The following TRPC4 variants were observed in gnomAD, a reference collection of about 807,000 sequenced individuals.
TRPC4 encodes the protein short transient receptor potential channel 4.
A neutral mutation model predicts 99.4 loss-of-function variants in TRPC4; 49 were observed. The observed-to-expected ratio is 0.49, with a 90% CI of 0.39 to 0.63. TRPC4 has a LOEUF of 0.63. Ranked by LOEUF, TRPC4 falls within the 20% of genes least tolerant of loss-of-function variation. TRPC4 has a pLI of 0.00. For missense variants in TRPC4, 898 were observed against 1,152.9 expected, an observed-to-expected ratio of 0.78 and a Z score of 3.20; for synonymous variants, 454 against 425.9, an observed-to-expected ratio of 1.07 and a Z score of -0.81.
chr13:37,866,341 C>A (rs1287755056), intron 1 of TRPC4, among the ~76,000 whole-genome samples: 3 of 151,658 alleles, frequency 2.0e-5, no homozygotes, highest in Non-Finnish European at 4.4e-5. Context: ...TAGGATATTA[C>A]ATACAGTTTA....
At chr13:37,653,736 T>C (rs1365526251) in intron 7 of TRPC4, among the ~76,000 whole-genome samples, 1 of 152,168 alleles carries the variant, frequency 6.6e-6, no homozygotes, top group Non-Finnish European at 1.5e-5. Flanking sequence ...TCTTAAATAG[T>C]GTTTTCTCCT....
chr13:37,662,063 C>T (rs1350356359), intron 6 of TRPC4, among the ~76,000 whole-genome samples: 1 of 152,084 alleles, frequency 6.6e-6, no homozygotes, highest in Admixed American at 6.6e-5. Flanking sequence ...AATCCCAACA[C>T]TTTGGGAGGC....
At chr13:37,746,524 A>C (rs1201094092) in intron 2 of TRPC4, 69 bp from the exon 3 acceptor site, 20 of 1,489,938 alleles carry the variant, frequency 1.3e-5, no homozygotes, top group Non-Finnish European at 1.8e-5. Context: ...TTCATACACC[A>C]TGCTATAGCA....
chr13:37,803,016 T>C (rs970291675), intron 1 of TRPC4, among the ~76,000 whole-genome samples: 2 of 152,066 alleles, frequency 1.3e-5, no homozygotes, highest in Non-Finnish European at 1.5e-5. Context: ...TATGGACTTA[T>C]ATATATTTAT....
intron 4 of TRPC4, among the ~76,000 whole-genome samples, chr13:37,681,374 T>A (rs946898280): frequency 6.6e-6 from 1 of 152,168 alleles, no homozygotes; most frequent in Non-Finnish European, 1.5e-5. Flanking sequence ...TGGAAACTCA[T>A]GTCATCATTT....
intron 3 of TRPC4, among the ~76,000 whole-genome samples, chr13:37,703,075 G>A (rs1048539979): frequency 1.3e-5 from 2 of 152,078 alleles, no homozygotes; most frequent in Admixed American, 6.6e-5. Flanking sequence ...GAAAATACAT[G>A]TATAAGGATT....
chr13:37,828,582 C>G (rs1958319273), intron 1 of TRPC4, among the ~76,000 whole-genome samples: 1 of 152,096 alleles, frequency 6.6e-6, no homozygotes, highest in African/African-American at 2.4e-5. Context: ...GAAATCAACA[C>G]AAATGCCCAA....
intron 2 of TRPC4, among the ~76,000 whole-genome samples, chr13:37,750,351 T>C (rs80054212): frequency 0.019 from 2,967 of 152,248 alleles, 100 homozygotes; most frequent in African/African-American, 0.068. Flanking sequence ...ACAGAGTTTT[T>C]GTGTCACACA....
rs115019125 is a variant in TRPC4, at chr13:37,867,078, A to G, written c.-28+2517T>C. 8.5e-3 allele frequency among the ~76,000 whole-genome samples: 1,292 copies of G among 151,968 alleles called. 13 individuals carry two copies. The highest frequency in any genetic ancestry group is 0.03 in the African/African-American group (1,227 of 41,462). On this transcript the variant is annotated intron_variant, in intron 1 of 10. Transcript: ENST00000379705. Reference sequence around the variant, plus strand: ...CTATATGGCAATGATGGTTTTGGAAAAAGGAAAATTTAATAGTTTATTGTA... The same window carrying G: ...CTATATGGCAATGATGGTTTTGGAAGAAGGAAAATTTAATAGTTTATTGTA...
intron 6 of TRPC4, among the ~76,000 whole-genome samples, chr13:37,660,512 G>T (rs1308071324): frequency 2.6e-5 from 4 of 152,084 alleles, no homozygotes; most frequent in Non-Finnish European, 4.4e-5. Flanking sequence ...TTGGATGAAA[G>T]GAATGAAACA....
chr13:37,773,297 C>T (rs1956605211), intron 2 of TRPC4, among the ~76,000 whole-genome samples: 1 of 151,810 alleles, frequency 6.6e-6, no homozygotes, highest in African/African-American at 2.4e-5. Flanking sequence ...TCAAATCTCA[C>T]TTGAGCAAGT....
At chr13:37,827,655 A>G (rs564610014) in intron 1 of TRPC4, among the ~76,000 whole-genome samples, 6 of 152,284 alleles carry the variant, frequency 3.9e-5, no homozygotes, top group Admixed American at 2.6e-4. Context: ...GCGTACTGGG[A>G]GAACCACTGC....
intron 1 of TRPC4, among the ~76,000 whole-genome samples, chr13:37,864,910 C>T (rs1183376064): frequency 6.6e-6 from 1 of 151,658 alleles, no homozygotes; most frequent in East Asian, 1.9e-4. Context: ...GGAAATGCAA[C>T]AAAAATGAAA....
At chr13:37,684,731 A>C (rs921259047) in intron 4 of TRPC4, among the ~76,000 whole-genome samples, 2 of 151,906 alleles carry the variant, frequency 1.3e-5, no homozygotes, top group African/African-American at 4.8e-5. Context: ...ACTTCTGAAC[A>C]TTTTAAAAAT....
chr13:37,751,891 T>A (rs889148155), intron 2 of TRPC4, among the ~76,000 whole-genome samples: 20 of 151,526 alleles, frequency 1.3e-4, no homozygotes, highest in African/African-American at 2.4e-5. Flanking sequence ...GTAGTTATCA[T>A]GAGAAATACA....
chr13:37,665,801 C>G (rs1952626708), intron 5 of TRPC4, among the ~76,000 whole-genome samples: 1 of 139,770 alleles, frequency 7.2e-6, no homozygotes, highest in Non-Finnish European at 1.5e-5. Context: ...TGGACCTACT[C>G]TGAAAAGAGC....
chr13:37,757,916 T>C (rs12874552), intron 2 of TRPC4, among the ~76,000 whole-genome samples: 45,823 of 151,782 alleles, frequency 0.3, 8,202 homozygotes, highest in Non-Finnish European at 0.42. Flanking sequence ...AATTGGTGGG[T>C]AGGGTTCAAG....
At chr13:37,658,184 G>A (rs994151960) in intron 6 of TRPC4, among the ~76,000 whole-genome samples, 1 of 152,054 alleles carries the variant, frequency 6.6e-6, no homozygotes, top group African/African-American at 2.4e-5. Context: ...TTCTTGTTCT[G>A]TGGTAAGATA....
chr13:37,788,448 TAA>T (rs1205590548), intron 1 of TRPC4, among the ~76,000 whole-genome samples: 6 of 152,266 alleles, frequency 3.9e-5, no homozygotes, highest in Admixed American at 6.5e-5. Context: ...TTATTTTTCT[TAA>T]TCATGTCCTC....
Sources: gnomAD v4.1 joint callset for allele counts (sites outside exome capture counted in the v4.1 genomes callset) on GRCh38, gnomAD v4.1.1 for gene constraint, MANE v1.5 for transcripts, NCBI Gene and HGNC (gene_info 2026-07-23, HGNC 2026-07-21) for gene names.